CIROZ: variants seen among roughly 807,000 people sequenced by gnomAD.
CIROZ encodes the protein ciliated left-right organizer ZP-N domains-containing protein.
chr1:10,958,600 A>G, the CIROZ span: 17 of 1,259,818 alleles, frequency 1.3e-5, no homozygotes, highest in South Asian at 1.9e-4. Context: ...CATCCACGAC[A>G]CTCTCCGGAG....
the CIROZ span, among the ~76,000 whole-genome samples, chr1:10,963,420 C>A: frequency 3.3e-5 from 5 of 151,970 alleles, no homozygotes; most frequent in Non-Finnish European, 7.4e-5. Flanking sequence ...AACAAAAAAA[C>A]CCAGCTGACT....
chr1:10,976,409 C>T, the CIROZ span, among the ~76,000 whole-genome samples: 19 of 151,324 alleles, frequency 1.3e-4, no homozygotes, highest in African/African-American at 4.6e-4. Context: ...GATCTAAGCT[C>T]ACTGCAACCT....
the CIROZ span, chr1:10,970,203 G>T: frequency 1.9e-6 from 2 of 1,033,824 alleles, no homozygotes; most frequent in Non-Finnish European, 2.7e-6. Context: ...TCTCAGCCTG[G>T]CTTCAATGGA....
the CIROZ span, chr1:10,964,332 C>G: frequency 2.0e-6 from 3 of 1,525,650 alleles, no homozygotes; most frequent in Non-Finnish European, 2.7e-6. Context: ...TAATAGCCTG[C>G]AATTATAGGT....
At chr1:10,967,344 T>C in the CIROZ span, among the ~76,000 whole-genome samples, 5 of 152,174 alleles carry the variant, frequency 3.3e-5, no homozygotes, top group Admixed American at 3.3e-4. Context: ...GCCCTTGCAC[T>C]GGCTGTGCCC....
At chr1:10,951,915 T>C in the CIROZ span, among the ~76,000 whole-genome samples, 2 of 151,914 alleles carry the variant, frequency 1.3e-5, no homozygotes, top group Non-Finnish European at 2.9e-5. Flanking sequence ...TTTAAAAATC[T>C]CTAACCACGG....
chr1:10,980,614 G>A, the CIROZ span, among the ~76,000 whole-genome samples: 22 of 152,368 alleles, frequency 1.4e-4, no homozygotes, highest in South Asian at 6.2e-4. Flanking sequence ...CTGAGTCCCG[G>A]CCTTGCCAGG....
the CIROZ span, among the ~76,000 whole-genome samples, chr1:10,970,758 A>G: frequency 1.7e-4 from 26 of 152,066 alleles, no homozygotes; most frequent in African/African-American, 6.0e-4. Flanking sequence ...TGGTCCAGGG[A>G]CAACACTTTG....
chr1:10,947,633 C>A, the CIROZ span: 1 of 1,443,164 alleles, frequency 6.9e-7, no homozygotes, highest in African/African-American at 1.4e-5. Flanking sequence ...AGGGTGCACC[C>A]AGGACTCACC....
the CIROZ span, among the ~76,000 whole-genome samples, chr1:10,963,620 G>T: frequency 6.6e-6 from 1 of 151,928 alleles, no homozygotes; most frequent in African/African-American, 2.4e-5. Flanking sequence ...GAGCACACAC[G>T]GCCATGAAAG....
chr1:10,949,685 G>C, the CIROZ span: 8 of 1,605,326 alleles, frequency 5.0e-6, no homozygotes, highest in Non-Finnish European at 6.8e-6. Flanking sequence ...CTGGGCAGCT[G>C]GTCCTGCAGC....
chr1:10,977,735 C>G, the CIROZ span, among the ~76,000 whole-genome samples: 1 of 152,122 alleles, frequency 6.6e-6, no homozygotes, highest in Non-Finnish European at 1.5e-5. Context: ...CATAGGTTCT[C>G]TATGACTTAG....
chr1:10,947,979 G>A, the CIROZ span: 84 of 1,613,542 alleles, frequency 5.2e-5, 1 homozygote, highest in South Asian at 6.6e-5. Context: ...GGCTTCGGGT[G>A]TCAGAAGAGC....
chr1:10,975,179 G>A, the CIROZ span, among the ~76,000 whole-genome samples: 3 of 152,164 alleles, frequency 2.0e-5, no homozygotes, highest in South Asian at 4.2e-4. Context: ...AGGCCGAGGC[G>A]GGTGGATCAC....
At chr1:10,955,132 C>T in the CIROZ span, 1 of 1,613,650 alleles carries the variant, frequency 6.2e-7, no homozygotes, top group East Asian at 2.2e-5. Flanking sequence ...TTTGACTAGA[C>T]CCAGTCTCTG....
the CIROZ span, chr1:10,948,679 G>A: frequency 6.2e-7 from 1 of 1,606,288 alleles, no homozygotes; most frequent in African/African-American, 1.3e-5. Context: ...CCCTCTACAG[G>A]CTCCGAGGGG....
the CIROZ span, among the ~76,000 whole-genome samples, chr1:10,953,579 G>C: frequency 6.6e-6 from 1 of 152,170 alleles, no homozygotes; most frequent in East Asian, 1.9e-4. Context: ...AGAGAGAGTG[G>C]ATAAATGGAA....
the CIROZ span, among the ~76,000 whole-genome samples, chr1:10,974,000 G>C: frequency 6.6e-6 from 1 of 152,064 alleles, no homozygotes; most frequent in Admixed American, 6.5e-5. Context: ...GTCTTCTGCT[G>C]CCTGGCCTCT....
the CIROZ span, among the ~76,000 whole-genome samples, chr1:10,966,167 A>G: frequency 2.6e-5 from 4 of 152,324 alleles, no homozygotes; most frequent in East Asian, 5.8e-4. Context: ...TGGAGGAGGC[A>G]GCATCTGAGC....
Sources: allele counts gnomAD v4.1 joint callset (sites outside exome capture counted in the v4.1 genomes callset), GRCh38; gene constraint gnomAD v4.1.1; transcripts MANE v1.5; gene names NCBI Gene and HGNC (gene_info 2026-07-23, HGNC 2026-07-21).